MAF: variants seen among roughly 807,000 people sequenced by gnomAD.
MAF encodes transcription factor Maf.
MAF carries 10 observed loss-of-function variants against 22.0 expected under a neutral mutation model. That is an observed-to-expected ratio of 0.45 (90% CI 0.28 to 0.77). The LOEUF is 0.77. Among genes scored for constraint, MAF ranks in the 30% least tolerant of loss-of-function variants. The pLI is 0.12. For missense variants in MAF, 544 were observed against 548.4 expected, an observed-to-expected ratio of 0.99 and a Z score of 0.08; for synonymous variants, 337 against 255.8, an observed-to-expected ratio of 1.32 and a Z score of -3.03.
the MAF span, among the ~76,000 whole-genome samples, chr16:79,244,620 A>G: frequency 2.6e-5 from 4 of 152,138 alleles, no homozygotes; most frequent in African/African-American, 9.7e-5. Context: ...AAGAATCAAT[A>G]TCGTGAAAAT....
the MAF span, among the ~76,000 whole-genome samples, chr16:79,415,189 T>C: frequency 6.6e-6 from 1 of 152,146 alleles, no homozygotes; most frequent in African/African-American, 2.4e-5. Context: ...GGCAGGACTC[T>C]TGTTAGTTCA....
chr16:79,243,464 A>G, the MAF span, among the ~76,000 whole-genome samples: 1 of 152,078 alleles, frequency 6.6e-6, no homozygotes, highest in African/African-American at 2.4e-5. Context: ...TAGAAAATCC[A>G]CAAGAAATGG....
chr16:79,365,500 G>T, the MAF span, among the ~76,000 whole-genome samples: 1 of 152,136 alleles, frequency 6.6e-6, no homozygotes, highest in Non-Finnish European at 1.5e-5. Context: ...CTGATTGGTG[G>T]ATGATCTCTT....
the MAF span, among the ~76,000 whole-genome samples, chr16:79,435,840 G>A: frequency 1.3e-5 from 2 of 152,186 alleles, no homozygotes; most frequent in African/African-American, 4.8e-5. Flanking sequence ...TCGAACAAAG[G>A]CTTTTTCTCC....
At chr16:79,377,512 G>A in the MAF span, among the ~76,000 whole-genome samples, 1 of 152,164 alleles carries the variant, frequency 6.6e-6, no homozygotes, top group African/African-American at 2.4e-5. Context: ...CTTTTGCTGT[G>A]CAGGAGCTCT....
the MAF span, among the ~76,000 whole-genome samples, chr16:79,351,220 G>T: frequency 6.6e-6 from 1 of 152,200 alleles, no homozygotes; most frequent in African/African-American, 2.4e-5. Flanking sequence ...GGACTGCAAA[G>T]CTAAACAGTG....
chr16:79,499,720 T>C, the MAF span, among the ~76,000 whole-genome samples: 809 of 152,296 alleles, frequency 5.3e-3, 6 homozygotes, highest in Middle Eastern at 0.044. Flanking sequence ...ACCTTGATTA[T>C]AGATTTCCCA....
At chr16:79,560,158 G>A in the MAF span, among the ~76,000 whole-genome samples, 1 of 152,024 alleles carries the variant, frequency 6.6e-6, no homozygotes, top group Non-Finnish European at 1.5e-5. Flanking sequence ...CAATTCTCCT[G>A]CCTCGGCTTC....
the MAF span, among the ~76,000 whole-genome samples, chr16:79,261,521 G>A: frequency 6.6e-6 from 1 of 152,224 alleles, no homozygotes; most frequent in South Asian, 2.1e-4. Flanking sequence ...TAACAAATTT[G>A]TGGATGAATG....
chr16:79,312,432 C>A, the MAF span, among the ~76,000 whole-genome samples: 56 of 152,344 alleles, frequency 3.7e-4, no homozygotes, highest in African/African-American at 1.2e-3. Context: ...GACCTCCATA[C>A]ATGCATTTCA....
At chr16:79,409,378 C>T in the MAF span, among the ~76,000 whole-genome samples, 672 of 152,314 alleles carry the variant, frequency 4.4e-3, 8 homozygotes, top group African/African-American at 0.015. Context: ...CCTTATTCTG[C>T]ACACTCAGAA....
the MAF span, among the ~76,000 whole-genome samples, chr16:79,506,436 C>G: frequency 2.5e-3 from 380 of 152,164 alleles, 7 homozygotes; most frequent in African/African-American, 8.4e-3. Context: ...GCGTCTTTGG[C>G]AAGCAAAGCA....
At chr16:79,274,462 G>A in the MAF span, among the ~76,000 whole-genome samples, 2 of 152,060 alleles carry the variant, frequency 1.3e-5, no homozygotes, top group Non-Finnish European at 2.9e-5. Flanking sequence ...CAATGCAAAT[G>A]CACTAGGAGC....
the MAF span, chr16:79,203,700 T>A: frequency 6.6e-6 from 1 of 152,300 alleles, no homozygotes; most frequent in East Asian, 1.9e-4. Context: ...GTAGAGCCAT[T>A]CTGTGCAGAA....
At chr16:79,335,224 TGAAATA>T in the MAF span, among the ~76,000 whole-genome samples, 4 of 151,152 alleles carry the variant, frequency 2.6e-5, no homozygotes, top group Non-Finnish European at 5.9e-5. Flanking sequence ...ATACATAGAA[TGAAATA>T]GAAATCAATC....
At chr16:79,361,490 A>G in the MAF span, among the ~76,000 whole-genome samples, 3 of 152,198 alleles carry the variant, frequency 2.0e-5, no homozygotes, top group African/African-American at 4.8e-5. Context: ...AACCTCTAAC[A>G]TTTAGCACTT....
chr16:79,562,288 A>G, the MAF span, among the ~76,000 whole-genome samples: 1 of 152,226 alleles, frequency 6.6e-6, no homozygotes, highest in African/African-American at 2.4e-5. Flanking sequence ...GAAGCAGTAC[A>G]AAGACATGGA....
chr16:79,361,041 A>C, the MAF span, among the ~76,000 whole-genome samples: 4 of 152,222 alleles, frequency 2.6e-5, no homozygotes, highest in Admixed American at 6.5e-5. Flanking sequence ...AACACATTCC[A>C]GCACACACTA....
At chr16:79,240,362 A>T in the MAF span, among the ~76,000 whole-genome samples, 1 of 151,204 alleles carries the variant, frequency 6.6e-6, no homozygotes, top group South Asian at 2.1e-4. Context: ...TAAACTCCTC[A>T]TCCCACTCCC....
Sources: allele counts gnomAD v4.1 joint callset (sites outside exome capture counted in the v4.1 genomes callset), GRCh38; gene constraint gnomAD v4.1.1; transcripts MANE v1.5; gene names NCBI Gene and HGNC (gene_info 2026-07-23, HGNC 2026-07-21).